The following TMC1 variants were observed in gnomAD, a reference collection of about 807,000 sequenced individuals.
The protein encoded by TMC1 is transmembrane channel-like protein 1.
A neutral mutation model predicts 105.8 loss-of-function variants in TMC1; 84 were observed. The observed-to-expected ratio is 0.79, with a 90% confidence interval of 0.67 to 0.95. TMC1 has a LOEUF of 0.95. Among genes scored for constraint, TMC1 ranks in the 40% least tolerant of loss-of-function variants. The pLI is 0.00. For missense variants in TMC1, 817 were observed against 914.1 expected, an observed-to-expected ratio of 0.89 and a Z score of 1.37; for synonymous variants, 315 against 311.5, an observed-to-expected ratio of 1.01 and a Z score of -0.12.
intron 1 of TMC1, among the ~76,000 whole-genome samples, chr9:72,554,209 C>A (rs918849129): frequency 2.0e-5 from 3 of 152,038 alleles, no homozygotes; most frequent in Admixed American, 6.6e-5. Flanking sequence ...TAGCTGTGAT[C>A]GTTTATTGCT....
intron 1 of TMC1, among the ~76,000 whole-genome samples, chr9:72,561,426 C>A (rs1178468250): frequency 6.6e-6 from 1 of 151,572 alleles, no homozygotes; most frequent in East Asian, 1.9e-4. Context: ...AGTGTAGGAA[C>A]CAAAACTATG....
chr9:72,658,425 T>C (rs1254690195), intron 5 of TMC1, among the ~76,000 whole-genome samples: 1 of 152,118 alleles, frequency 6.6e-6, no homozygotes, highest in Non-Finnish European at 1.5e-5. Flanking sequence ...AGATAATACC[T>C]GTTTTGCAGT....
chr9:72,553,774 A>T (rs1823891246), intron 1 of TMC1, among the ~76,000 whole-genome samples: 1 of 152,180 alleles, frequency 6.6e-6, no homozygotes, highest in African/African-American at 2.4e-5. Context: ...GGGGTCCTAG[A>T]CACATAATGA....
Position 72,573,643 on chromosome 9 carries a change from T to C in TMC1, c.-427-4259T>C, listed in dbSNP as rs115339534. 5.6e-3 allele frequency among the ~76,000 whole-genome samples: 858 copies of C among 152,336 alleles called. 4 individuals carry two copies. Among genetic ancestry groups the C allele is most frequent in the African/African-American group, 0.019 (806 of 41,590 alleles). On this transcript the variant is annotated intron_variant, in intron 1 of 23. Coordinates refer to ENST00000297784, the MANE Select transcript of TMC1 (RefSeq NM_138691.3). The stretch of plus-strand genomic sequence containing the variant: ...CTGGTCTTGTTCTCATTTATATGGT[T>C]TATAATGATTCTAAATCATTCTCGG...
At chr9:72,700,387 T>C (rs112853443) in intron 7 of TMC1, 131 bp from the exon 8 acceptor site, 9 of 588,178 alleles carry the variant, frequency 1.5e-5, no homozygotes, top group African/African-American at 1.3e-4. Context: ...CTCATGCTTA[T>C]GGGTCCTAAT....
At chr9:72,700,963 C>T (rs1826636746) in intron 8 of TMC1, among the ~76,000 whole-genome samples, 1 of 151,870 alleles carries the variant, frequency 6.6e-6, no homozygotes, top group Non-Finnish European at 1.5e-5. Flanking sequence ...AAATTGGAAG[C>T]AACTCTGAGA....
At chr9:72,751,746 C>T in intron 10 of TMC1, 104 bp from the exon 11 acceptor site, 1 of 765,690 alleles carries the variant, frequency 1.3e-6, no homozygotes, top group Non-Finnish European at 2.3e-6. Context: ...AGGACCAATG[C>T]CTCACAATTA....
At chr9:72,772,090 T>TA (rs1438203561) in intron 12 of TMC1, among the ~76,000 whole-genome samples, 1 of 152,198 alleles carries the variant, frequency 6.6e-6, no homozygotes, top group Non-Finnish European at 1.5e-5. Flanking sequence ...CTTAAAATCG[T>TA]AAATCTAATG....
intron 6 of TMC1, among the ~76,000 whole-genome samples, chr9:72,690,020 T>G (rs1327943964): frequency 6.6e-6 from 1 of 152,044 alleles, no homozygotes; most frequent in Admixed American, 6.5e-5. Flanking sequence ...TAAAGCTCTT[T>G]TGTCCCTTTT....
chr9:72,749,809 G>A (rs375309980), intron 10 of TMC1, among the ~76,000 whole-genome samples: 45 of 152,248 alleles, frequency 3.0e-4, no homozygotes, highest in African/African-American at 1.0e-3. Flanking sequence ...AAGATGGTAG[G>A]TAAAGAATAG....
chr9:72,831,552 A>G (rs1281555235), intron 23 of TMC1, among the ~76,000 whole-genome samples: 1 of 152,040 alleles, frequency 6.6e-6, no homozygotes, highest in African/African-American at 2.4e-5. Flanking sequence ...CTCATCATTT[A>G]CATTAGGTAT....
chr9:72,635,371 C>T (rs1822201877), intron 4 of TMC1, among the ~76,000 whole-genome samples: 1 of 152,124 alleles, frequency 6.6e-6, no homozygotes, highest in African/African-American at 2.4e-5. Flanking sequence ...CTGAAAGTTC[C>T]AACTCTAACC....
intron 7 of TMC1, among the ~76,000 whole-genome samples, chr9:72,695,068 T>C (rs1008509932): frequency 2.6e-5 from 4 of 152,162 alleles, no homozygotes; most frequent in African/African-American, 9.7e-5. Context: ...CATCACTTTA[T>C]CTTACAGAGC....
intron 3 of TMC1, among the ~76,000 whole-genome samples, chr9:72,619,977 G>C (rs536319751): frequency 6.6e-6 from 1 of 151,750 alleles, no homozygotes; most frequent in Non-Finnish European, 1.5e-5. Context: ...TGGGACTACA[G>C]GCATGTGCCA....
chr9:72,616,631 A>G (rs1025709679), intron 3 of TMC1, among the ~76,000 whole-genome samples, 154 bp downstream of exon 3: 5 of 92,306 alleles, frequency 5.4e-5, no homozygotes, highest in Non-Finnish European at 1.0e-4. Context: ...AACAGAGCAG[A>G]TATCAACCTA....
At position 72,562,356 on chromosome 9, in the gene TMC1, T is replaced by C. The variant is rs372910684; in HGVS notation, c.-427-15546T>C. Reference sequence around the variant, plus strand: ...TATATGATCTGTTCAACCTCCTGCTTGACAGATATGAAAACAGTGCTCTCA... The same window carrying C: ...TATATGATCTGTTCAACCTCCTGCTCGACAGATATGAAAACAGTGCTCTCA... On this transcript the variant is annotated intron_variant, in intron 1 of 23. Transcript: ENST00000297784. 1.8e-4 allele frequency among the ~76,000 whole-genome samples: 28 copies of C among 152,338 alleles called. No homozygotes were observed. In the South Asian group the frequency reaches 5.4e-3, roughly 29 times the overall value.
chr9:72,784,560 T>C (rs1027169632), intron 13 of TMC1, among the ~76,000 whole-genome samples: 2 of 152,182 alleles, frequency 1.3e-5, no homozygotes, highest in African/African-American at 2.4e-5. Flanking sequence ...AAAACAGAAC[T>C]ACCATTTAGC....
At chr9:72,689,609 T>A (rs2132184948) in intron 6 of TMC1, among the ~76,000 whole-genome samples, 1 of 152,284 alleles carries the variant, frequency 6.6e-6, no homozygotes, top group Non-Finnish European at 1.5e-5. Context: ...AATGTTTATA[T>A]TTAGGTGCTC....
chr9:72,596,443 G>T (rs1205323274), intron 2 of TMC1, among the ~76,000 whole-genome samples: 3 of 149,496 alleles, frequency 2.0e-5, no homozygotes, highest in Non-Finnish European at 4.4e-5. Flanking sequence ...GCCATATGCA[G>T]CCCCACCATG....
Sources: gnomAD v4.1 joint callset for allele counts (sites outside exome capture counted in the v4.1 genomes callset) on GRCh38, gnomAD v4.1.1 for gene constraint, MANE v1.5 for transcripts, NCBI Gene and HGNC (gene_info 2026-07-23, HGNC 2026-07-21) for gene names.